Variants in UGT1A5 observed in about 807,000 individuals in gnomAD.
The protein encoded by UGT1A5 is UDP glucuronosyltransferase family 1 member A5.
A neutral mutation model predicts 40.3 loss-of-function variants in UGT1A5; 29 were observed. The ratio of observed to expected loss-of-function variants is 0.72; its 90% CI spans 0.54 to 0.98. The LOEUF is 0.98. Among genes scored for constraint, UGT1A5 ranks in the 50% least tolerant of loss-of-function variants. UGT1A5 has a pLI of 0.00. For missense variants in UGT1A5, 678 were observed against 677.9 expected (o/e 1.00, Z 0.00); for synonymous variants, 257 against 262.5 (o/e 0.98, Z 0.20).
chr2:233,717,072 T>A (rs3806595), intron 1 of UGT1A5, among the ~76,000 whole-genome samples: 15,420 of 152,108 alleles, frequency 0.1, 899 homozygotes, highest in East Asian at 0.2. Flanking sequence ...GCCAGACACG[T>A]AACCAGAAAT....
At chr2:233,750,904 G>C (rs1235200101) in intron 1 of UGT1A5, among the ~76,000 whole-genome samples, 1 of 151,906 alleles carries the variant, frequency 6.6e-6, no homozygotes, top group Non-Finnish European at 1.5e-5. Context: ...ACCTCTGCTA[G>C]AGAAGGGTGG....
rs1266934169 is a variant in UGT1A5, at chr2:233,712,980, G to T, written c.-12G>T. On this transcript the variant is annotated 5_prime_UTR_variant, in exon 1 of 5. Coordinates refer to ENST00000373414, the MANE Select transcript of UGT1A5 (RefSeq NM_019078.2). ...TGGGGTGGACAGTCAGCTGTCGGTG[G>T]CTTCTGCTGAGATGGCCACAGGACT... 2.5e-6 allele frequency: 4 copies of T among 1,613,154 alleles called. No homozygotes were observed. The highest frequency in any genetic ancestry group is 3.4e-6 in the Non-Finnish European group (4 of 1,180,042).
intron 1 of UGT1A5, chr2:233,747,628 G>A (rs767343717): frequency 1.6e-4 from 253 of 1,579,014 alleles, no homozygotes; most frequent in Non-Finnish European, 2.0e-4. Flanking sequence ...GCCCTGATCA[G>A]GCACCTGAAT....
chr2:233,731,567 G>C (rs187865178), intron 1 of UGT1A5, among the ~76,000 whole-genome samples: 1 of 152,286 alleles, frequency 6.6e-6, no homozygotes, highest in Non-Finnish European at 1.5e-5. Flanking sequence ...AGTTTGCTGA[G>C]AATGATGGTT....
chr2:233,747,346 G>A (rs1006096980), intron 1 of UGT1A5: 37 of 1,603,044 alleles, frequency 2.3e-5, no homozygotes, highest in African/African-American at 1.5e-4. Context: ...GCTCGCATGC[G>A]GGAGGCCGTG....
In UGT1A5 at chr2:233,713,246, C is replaced by T. The variant is rs2076296545; in HGVS notation, c.255C>T (p.Thr85=). ...FTLTTYAISW[T]QDEFDRLLLG... is the part of the protein sequence containing the mutation. ...TGACAACGTATGCCATTTCATGGACCCAGGACGAATTTGATCGCCTTTTGC... is the reference window on the plus strand; with the variant it reads ...TGACAACGTATGCCATTTCATGGACTCAGGACGAATTTGATCGCCTTTTGC... Residue 85 remains threonine, a synonymous_variant, in exon 1 of 5, where the codon ACC becomes ACT. Coordinates refer to ENST00000373414, the MANE Select transcript of UGT1A5 (RefSeq NM_019078.2). The T allele has an allele frequency of 6.2e-7, 1 of 1,614,080 alleles. No individual in the cohort carries two copies. The highest frequency in any genetic ancestry group is 1.3e-5 in the African/African-American group (1 of 74,922).
At chr2:233,743,706 C>G in intron 1 of UGT1A5, 1 of 1,367,368 alleles carries the variant, frequency 7.3e-7, no homozygotes, top group Non-Finnish European at 9.8e-7. Context: ...TCCGCCCCCG[C>G]CTCGCCATAG....
At chr2:233,724,407 G>T (rs1452797462) in intron 1 of UGT1A5, among the ~76,000 whole-genome samples, 1 of 141,630 alleles carries the variant, frequency 7.1e-6, no homozygotes, top group Non-Finnish European at 1.5e-5. Flanking sequence ...CCCAGATGGG[G>T]TGGCTGCCGG....
At chr2:233,760,144 TG>T in intron 1 of UGT1A5, 1 of 1,433,916 alleles carries the variant, frequency 7.0e-7, no homozygotes, top group Non-Finnish European at 9.3e-7. Flanking sequence ...TCTCTGAAAG[TG>T]AACTCCCTGC....
At chr2:233,739,922 C>T (rs28900073) in intron 1 of UGT1A5, among the ~76,000 whole-genome samples, 1 of 151,712 alleles carries the variant, frequency 6.6e-6, no homozygotes, top group Non-Finnish European at 1.5e-5. Flanking sequence ...TTTCCATAAT[C>T]CCCATGTGTT....
chr2:233,763,185 T>A (rs137981544), intron 1 of UGT1A5, among the ~76,000 whole-genome samples: 97 of 152,380 alleles, frequency 6.4e-4, no homozygotes, highest in African/African-American at 2.1e-3. Flanking sequence ...ATATTTGTTG[T>A]TGCCTTGTTT....
rs73999011 is a variant in UGT1A5, at chr2:233,757,577, C to G, written c.868-9457C>G. 5.1e-3 allele frequency among the ~76,000 whole-genome samples: 424 copies of G among 82,900 alleles called. 2 individuals are homozygous for G. Among genetic ancestry groups the G allele is most frequent in the African/African-American group, 0.022 (407 of 18,728 alleles). The allele number at this position is 82,900 out of a possible 152,430, so 54.4% of individuals were successfully genotyped here. On this transcript the variant is annotated intron_variant, in intron 1 of 4. Transcript: ENST00000373414. ...ATATATATATGTATATATGATATAGCTATAGTCTAATAGCAAGGACAGATA... is the reference window on the plus strand; with the variant it reads ...ATATATATATGTATATATGATATAGGTATAGTCTAATAGCAAGGACAGATA...
At chr2:233,757,576 G>A (rs1017226223) in intron 1 of UGT1A5, among the ~76,000 whole-genome samples, 2 of 82,708 alleles carry the variant, frequency 2.4e-5, no homozygotes, top group African/African-American at 1.1e-4. Flanking sequence ...ATATGATATA[G>A]CTATAGTCTA....
chr2:233,768,189 C>T, intron 3 of UGT1A5, 31 bp from the exon 4 acceptor site: 1 of 1,614,040 alleles, frequency 6.2e-7, no homozygotes. Flanking sequence ...AGAGATGTAA[C>T]TGCTGACATC....
At position 233,713,035 on chromosome 2, in the gene UGT1A5, G is replaced by A; in HGVS notation, c.44G>A (p.Gly15Glu). ...GTTCCCCTGCCGCAGCTGGCCACAG[G>A]ACTGCTGCTTCTCCTCAGTGTCCAG... ...LQVPLPQLAT[G>E]LLLLLSVQPW... Residue 15 changes from glycine to glutamate, a missense_variant, in exon 1 of 5, where the codon GGA (glycine) becomes GAA (glutamate). Transcript: ENST00000373414. The A allele has an allele frequency of 5.0e-6, 8 of 1,613,988 alleles. No individual in the cohort carries two copies. The highest frequency in any genetic ancestry group is 6.8e-6 in the Non-Finnish European group (8 of 1,180,040).
Position 233,772,483 on chromosome 2 carries a change from G to C in UGT1A5, c.1529G>C (p.Cys510Ser). The change falls in exon 5 of 5, where the codon TGT (cysteine) becomes TCT (serine). Residue 510 changes from cysteine to serine, a missense_variant. Physicochemically the swap from Cys to Ser is moderately radical, Grantham distance 112. Transcript: ENST00000373414. ...ACAGTGGCCTTCATCACCTTTAAAT[G>C]TTGTGCTTATGGCTACCGGAAATGC... ...VLTVAFITFK[C>S]CAYGYRKCLG... The C allele has an allele frequency of 6.2e-7, 1 of 1,614,146 alleles. No individual in the cohort carries two copies. The highest frequency in any genetic ancestry group is 8.5e-7 in the Non-Finnish European group (1 of 1,180,048).
rs1178808521 is a variant in UGT1A5, at chr2:233,725,276, A to AGAG, written c.867+11420_867+11422dup. ...AGGCAGAGGCAGAGGAGGCAGAGGC[A>AGAG]GAGGCAGAGGCAGAGGCAGAGGCAG... On this transcript the variant is annotated intron_variant, in intron 1 of 4. Transcript: ENST00000373414. Among the ~76,000 whole-genome samples the AGAG allele has an allele frequency of 5.2e-3, 248 of 47,428 alleles. 10 individuals carry two copies. The highest frequency in any genetic ancestry group is 6.8e-3 in the Non-Finnish European group (161 of 23,506). 31.1% of individuals were successfully genotyped at this position (47,428 alleles called of 152,430 possible).
intron 1 of UGT1A5, among the ~76,000 whole-genome samples, chr2:233,733,088 C>T (rs1321589207): frequency 6.6e-6 from 1 of 152,072 alleles, no homozygotes; most frequent in Non-Finnish European, 1.5e-5. Flanking sequence ...AATGGGAGTT[C>T]ACTCATGGTT....
At chr2:233,759,773 G>A (rs1199686536) in intron 1 of UGT1A5, among the ~76,000 whole-genome samples, 1 of 152,142 alleles carries the variant, frequency 6.6e-6, no homozygotes, top group African/African-American at 2.4e-5. Context: ...AATATTGTTG[G>A]ACGAAGGAAT....
Sources: allele counts gnomAD v4.1 joint callset (sites outside exome capture counted in the v4.1 genomes callset), GRCh38; gene constraint gnomAD v4.1.1; transcripts MANE v1.5; gene names NCBI Gene and HGNC (gene_info 2026-07-23, HGNC 2026-07-21).